The following ADGRV1 variants were observed in gnomAD, a reference collection of about 807,000 sequenced individuals.
ADGRV1 encodes adhesion G protein-coupled receptor V1.
Under a neutral mutation model 596.2 loss-of-function variants are expected in ADGRV1, and 359 were observed. That is an observed-to-expected ratio of 0.60 (90% CI 0.55 to 0.66). The LOEUF (loss-of-function observed/expected upper bound fraction) is 0.66, where lower values mean the gene tolerates loss of function less well. Among genes scored for constraint, ADGRV1 ranks in the 30% least tolerant of loss-of-function variants. The pLI, the probability that ADGRV1 is intolerant of heterozygous loss-of-function variation, is 0.00. For missense variants in ADGRV1, 7,274 were observed against 7,575.6 expected, an observed-to-expected ratio of 0.96 and a Z score of 1.48; for synonymous variants, 2,681 against 2,679.2, an observed-to-expected ratio of 1.00 and a Z score of -0.02.
chr5:90,853,972 C>G (rs1322727619), intron 80 of ADGRV1, 90 bp from the exon 81 acceptor site: 1 of 885,992 alleles, frequency 1.1e-6, no homozygotes, highest in Non-Finnish European at 1.8e-6. Flanking sequence ...ACTGTAGCTA[C>G]TAGAAAAATG....
intron 1 of ADGRV1, among the ~76,000 whole-genome samples, chr5:90,580,789 T>C (rs777655309): frequency 6.6e-6 from 1 of 151,650 alleles, no homozygotes; most frequent in Non-Finnish European, 1.5e-5. Context: ...AGTATCTTTG[T>C]GGTGTTCTCT....
chr5:91,163,469 A>G (rs1797119786), intron 89 of ADGRV1, among the ~76,000 whole-genome samples: 1 of 152,208 alleles, frequency 6.6e-6, no homozygotes, highest in Non-Finnish European at 1.5e-5. Flanking sequence ...TTCTATTTTG[A>G]TGAGCCCTCA....
At chr5:90,736,413 A>T (rs1331911146) in intron 50 of ADGRV1, among the ~76,000 whole-genome samples, 1 of 151,974 alleles carries the variant, frequency 6.6e-6, no homozygotes, top group East Asian at 1.9e-4. Flanking sequence ...TGTTCATCAG[A>T]GATATTGGCC....
At chr5:91,000,644 C>A (rs1024553434) in intron 85 of ADGRV1, among the ~76,000 whole-genome samples, 1 of 149,082 alleles carries the variant, frequency 6.7e-6, no homozygotes, top group South Asian at 2.1e-4. Context: ...TGGTGACTCT[C>A]CAGAGAAACA....
At position 90,725,381 on chromosome 5, in the gene ADGRV1, A is replaced by G. The variant is rs1751634180; in HGVS notation, c.10053+149A>G. The G allele has an allele frequency of 1.1e-5, 8 of 702,194 alleles. No individual in the cohort carries two copies. In the South Asian group the frequency reaches 1.8e-4, roughly 16 times the overall value. 43.5% of individuals were successfully genotyped at this position (702,194 alleles called of 1,614,324 possible). A position where few individuals can be genotyped will look rare whatever the true frequency, so the allele number is the denominator to read the frequency against. ...GATATACATTTTAGCAAAGTATCTT[A>G]ATCCGGGGATATTTTTGTCTTTTTA... On this transcript the variant is annotated intron_variant, in intron 47 of 89. Coordinates refer to ENST00000405460, the MANE Select transcript of ADGRV1 (RefSeq NM_032119.4).
intron 1 of ADGRV1, among the ~76,000 whole-genome samples, chr5:90,595,072 C>T (rs1390445914): frequency 2.1e-5 from 3 of 140,956 alleles, no homozygotes; most frequent in African/African-American, 5.6e-5. Context: ...CGGGCAGAGG[C>T]GCCCCTCACC....
chr5:90,834,689 C>T (rs1044323250), intron 77 of ADGRV1, among the ~76,000 whole-genome samples: 20 of 151,740 alleles, frequency 1.3e-4, no homozygotes, highest in Non-Finnish European at 1.2e-4. Flanking sequence ...ATATCTTTCT[C>T]TACGTTTGGG....
intron 59 of ADGRV1, among the ~76,000 whole-genome samples, chr5:90,767,220 A>G (rs920251740): frequency 6.6e-6 from 1 of 152,202 alleles, no homozygotes. Context: ...TCTGGGATGA[A>G]CAAACAGGCC....
chr5:91,087,463 ATT>A (rs556983309), intron 86 of ADGRV1, among the ~76,000 whole-genome samples: 16 of 143,406 alleles, frequency 1.1e-4, no homozygotes, highest in Non-Finnish European at 1.2e-4. Flanking sequence ...TGCCCGGCTA[ATT>A]TTTTTTTTTT....
At chr5:90,659,106 G>A (rs1278113408) in intron 21 of ADGRV1, among the ~76,000 whole-genome samples, 3 of 152,066 alleles carry the variant, frequency 2.0e-5, no homozygotes, top group African/African-American at 7.2e-5. Context: ...TGTCTTTCTT[G>A]CCACTTTAGC....
At chr5:91,010,893 A>T (rs894877539) in intron 85 of ADGRV1, among the ~76,000 whole-genome samples, 2 of 152,004 alleles carry the variant, frequency 1.3e-5, no homozygotes, top group Non-Finnish European at 2.9e-5. Flanking sequence ...AAGTTCCCTG[A>T]AAATAGAATT....
At chr5:91,085,028 A>G (rs12657388) in intron 86 of ADGRV1, among the ~76,000 whole-genome samples, 66,594 of 151,994 alleles carry the variant, frequency 0.44, 16,838 homozygotes, top group Non-Finnish European at 0.57. Context: ...AAGTTGAACA[A>G]CGAGAACACT....
intron 83 of ADGRV1, among the ~76,000 whole-genome samples, chr5:90,908,204 T>C (rs1019192487): frequency 6.6e-6 from 1 of 152,134 alleles, no homozygotes; most frequent in East Asian, 1.9e-4. Flanking sequence ...TAGATTATAC[T>C]TTTTTATATT....
chr5:90,958,283 C>CAAAAA (rs34676985), intron 83 of ADGRV1, among the ~76,000 whole-genome samples: 172 of 72,086 alleles, frequency 2.4e-3, no homozygotes, highest in Non-Finnish European at 3.4e-3. Context: ...GACCTTGTCT[C>CAAAAA]AAAAAAAAAA....
chr5:91,047,028 G>A (rs56106025), intron 85 of ADGRV1, among the ~76,000 whole-genome samples: 38,834 of 151,932 alleles, frequency 0.26, 5,242 homozygotes, highest in Non-Finnish European at 0.28. Context: ...AGATACCGGC[G>A]TGGATGCAGT....
At chr5:90,899,518 G>C (rs1054213426) in intron 83 of ADGRV1, among the ~76,000 whole-genome samples, 1 of 152,100 alleles carries the variant, frequency 6.6e-6, no homozygotes, top group African/African-American at 2.4e-5. Context: ...GCCTCTTCCT[G>C]TACCAGAACC....
intron 87 of ADGRV1, among the ~76,000 whole-genome samples, chr5:91,149,377 G>T (rs765417621): frequency 6.6e-6 from 1 of 152,224 alleles, no homozygotes; most frequent in African/African-American, 2.4e-5. Context: ...TGAGTCTCAT[G>T]AGATCTGATG....
intron 83 of ADGRV1, among the ~76,000 whole-genome samples, chr5:90,956,712 A>C (rs898049998): frequency 3.1e-4 from 47 of 152,288 alleles, no homozygotes; most frequent in African/African-American, 1.0e-3. Flanking sequence ...ACAAACAGGA[A>C]GTATGAGTAT....
At chr5:90,639,513 A>G (rs1766702446) in intron 11 of ADGRV1, among the ~76,000 whole-genome samples, 1 of 152,164 alleles carries the variant, frequency 6.6e-6, no homozygotes, top group Admixed American at 6.5e-5. Flanking sequence ...TTAAGGGTTT[A>G]TTTTGTTCTT....
Sources: gnomAD v4.1 joint callset for allele counts (sites outside exome capture counted in the v4.1 genomes callset) on GRCh38, gnomAD v4.1.1 for gene constraint, MANE v1.5 for transcripts, NCBI Gene and HGNC (gene_info 2026-07-23, HGNC 2026-07-21) for gene names.